Variants in DYNC2LI1 observed in about 807,000 individuals in gnomAD.
DYNC2LI1 encodes the protein cytoplasmic dynein 2 light intermediate chain 1.
A neutral mutation model predicts 51.9 loss-of-function variants in DYNC2LI1; 45 were observed. That is an observed-to-expected ratio of 0.87 (90% CI 0.68 to 1.11). DYNC2LI1 has a LOEUF of 1.11. Among genes scored for constraint, DYNC2LI1 ranks in the 50% most tolerant of loss-of-function variants. The pLI is 0.00. For missense variants in DYNC2LI1, 490 were observed against 417.4 expected (o/e 1.17, Z -1.51); for synonymous variants, 130 against 137.8 (o/e 0.94, Z 0.40).
chr2:43,804,019 A>C (rs535746076), intron 10 of DYNC2LI1, among the ~76,000 whole-genome samples: 5 of 152,312 alleles, frequency 3.3e-5, no homozygotes, highest in Admixed American at 3.3e-4. Context: ...TAGTGTAAAA[A>C]AACTATTTGC....
chr2:43,778,633 C>T (rs1375762284), intron 2 of DYNC2LI1, among the ~76,000 whole-genome samples: 1 of 152,166 alleles, frequency 6.6e-6, no homozygotes, highest in Non-Finnish European at 1.5e-5. Flanking sequence ...AGAAAACATT[C>T]TGTACACAGA....
Position 43,794,867 on chromosome 2 carries a change from A to G in DYNC2LI1, c.507+224A>G. The stretch of plus-strand genomic sequence containing the variant: ...TTGTTAGACATCTTCTGTGATTGTT[A>G]TGGCATATTACACCAATCAGAGAAA... On this transcript the variant is annotated intron_variant, in intron 6 of 12. Transcript: ENST00000260605. 3 of 1,427,364 alleles carry G rather than the reference A, an allele frequency of 2.1e-6. 1 individual carries two copies. Among genetic ancestry groups the G allele is most frequent in the South Asian group, 3.2e-5 (2 of 62,216 alleles). 88.4% of individuals were successfully genotyped at this position (1,427,364 alleles called of 1,614,324 possible).
chr2:43,791,234 G>A (rs935308087), intron 5 of DYNC2LI1, among the ~76,000 whole-genome samples: 1 of 152,040 alleles, frequency 6.6e-6, no homozygotes, highest in Non-Finnish European at 1.5e-5. Flanking sequence ...AAAAAAGAGA[G>A]AGAGAGAGAT....
chr2:43,776,199 G>T (rs768260442), intron 1 of DYNC2LI1, among the ~76,000 whole-genome samples: 70 of 151,640 alleles, frequency 4.6e-4, no homozygotes, highest in African/African-American at 7.3e-4. Flanking sequence ...TAATTTATTA[G>T]TAGTAGTAGT....
intron 2 of DYNC2LI1, among the ~76,000 whole-genome samples, chr2:43,777,639 C>T (rs1375744839): frequency 6.6e-6 from 1 of 152,222 alleles, no homozygotes; most frequent in Admixed American, 6.5e-5. Context: ...CATGCTTCCA[C>T]TTAAGCGCAT....
chr2:43,820,190 G>C, the DYNC2LI1 span: 1 of 1,476,502 alleles, frequency 6.8e-7, no homozygotes, highest in Non-Finnish European at 9.3e-7. Context: ...ATCCTTTGTG[G>C]TGAGTGGGTG....
rs753728042 is a variant in DYNC2LI1, at chr2:43,800,883, G to A, written c.697G>A (p.Val233Ile). 5 of 1,604,798 alleles carry A rather than the reference G, an allele frequency of 3.1e-6. No homozygotes were observed. The highest frequency in any genetic ancestry group is 3.4e-6 in the Non-Finnish European group (4 of 1,175,034). Residue 233 changes from valine (V) to isoleucine (I), a missense_variant, in exon 9 of 13, where the codon GTT (valine) becomes ATT (isoleucine). Val to Ile is a conservative substitution (Grantham distance 29). Coordinates refer to ENST00000260605, the MANE Select transcript of DYNC2LI1 (RefSeq NM_016008.4). ...AGCTCTATTACTAAAAATACGTGGA[G>A]TTATCAACCAGTTGGCATTTGGCAT... is the stretch of plus-strand genomic sequence containing the variant. ...SEALLLKIRG[V>I]INQLAFGIDK...
chr2:43,813,244 C>G (rs750285438), downstream of DYNC2LI1: 6 of 1,613,804 alleles, frequency 3.7e-6, no homozygotes, highest in African/African-American at 8.0e-5. Context: ...CAGGTTTTCT[C>G]AATGAATTGA....
chr2:43,817,422 T>C, the DYNC2LI1 span, among the ~76,000 whole-genome samples: 2 of 151,714 alleles, frequency 1.3e-5, no homozygotes, highest in African/African-American at 4.8e-5. Context: ...GAGACGGAGG[T>C]TGCAGTGAGC....
intron 4 of DYNC2LI1, among the ~76,000 whole-genome samples, chr2:43,788,344 A>G (rs1673618946): frequency 6.6e-6 from 1 of 152,248 alleles, no homozygotes; most frequent in African/African-American, 2.4e-5. Context: ...TATTTTATTG[A>G]CAATCTGTCT....
chr2:43,821,129 C>T, the DYNC2LI1 span, among the ~76,000 whole-genome samples: 5 of 152,138 alleles, frequency 3.3e-5, no homozygotes, highest in African/African-American at 1.2e-4. Flanking sequence ...TTATACTCGC[C>T]CCTCCTTACC....
chr2:43,824,704 T>C, the DYNC2LI1 span: 74 of 941,750 alleles, frequency 7.9e-5, no homozygotes, highest in Non-Finnish European at 8.7e-5. Flanking sequence ...GAGAGATCCC[T>C]GACCTCATTC....
intron 4 of DYNC2LI1, 138 bp downstream of exon 4, chr2:43,787,388 T>C: frequency 6.0e-6 from 4 of 668,192 alleles, no homozygotes; most frequent in African/African-American, 1.8e-5. Flanking sequence ...ACCATTAAAC[T>C]TCAAATGCAG....
At chr2:43,815,524 G>A in the DYNC2LI1 span, among the ~76,000 whole-genome samples, 1 of 152,204 alleles carries the variant, frequency 6.6e-6, no homozygotes, top group Non-Finnish European at 1.5e-5. Flanking sequence ...TTTGCAAGGT[G>A]TCCTCAACCT....
At chr2:43,820,109 G>T in the DYNC2LI1 span, 8 of 1,612,626 alleles carry the variant, frequency 5.0e-6, no homozygotes, top group Non-Finnish European at 6.8e-6. Flanking sequence ...TCCTAGAAAA[G>T]CATAAGCTCT....
At chr2:43,785,796 A>G (rs915140637) in intron 3 of DYNC2LI1, among the ~76,000 whole-genome samples, 10 of 152,016 alleles carry the variant, frequency 6.6e-5, no homozygotes, top group African/African-American at 2.4e-4. Context: ...AAAAAGTAGA[A>G]TGGTAGTTAC....
chr2:43,825,220 ATC>A, the DYNC2LI1 span, among the ~76,000 whole-genome samples: 1 of 152,118 alleles, frequency 6.6e-6, no homozygotes, highest in Non-Finnish European at 1.5e-5. Context: ...TTCGAAATGC[ATC>A]CCTACCCTTG....
chr2:43,824,377 C>A, the DYNC2LI1 span: 2 of 1,614,158 alleles, frequency 1.2e-6, no homozygotes, highest in Non-Finnish European at 1.7e-6. Flanking sequence ...TCTGGACTCT[C>A]TTGGAGGTTT....
intron 4 of DYNC2LI1, 24 bp downstream of exon 4, chr2:43,787,274 T>C (rs770551992): frequency 6.4e-7 from 1 of 1,571,608 alleles, no homozygotes; most frequent in Non-Finnish European, 8.7e-7. Flanking sequence ...AAAGTGACAT[T>C]GCTATGCCCA....
Sources: gnomAD v4.1 joint callset for allele counts (sites outside exome capture counted in the v4.1 genomes callset) on GRCh38, gnomAD v4.1.1 for gene constraint, MANE v1.5 for transcripts, NCBI Gene and HGNC (gene_info 2026-07-23, HGNC 2026-07-21) for gene names.